The following NKIRAS1 variants were observed in gnomAD, a reference collection of about 807,000 sequenced individuals.
NKIRAS1 encodes the protein NFKB inhibitor interacting Ras like 1.
Under a neutral mutation model 19.8 loss-of-function variants are expected in NKIRAS1, and 16 were observed. The ratio of observed to expected loss-of-function variants is 0.81; its 90% CI spans 0.55 to 1.23. The LOEUF (loss-of-function observed/expected upper bound fraction) is 1.23, where lower values mean the gene tolerates loss of function less well. NKIRAS1 is among the 50% of genes most tolerant of loss of function. The probability of loss-of-function intolerance (pLI) is 0.00; values close to 1 mark genes in which losing one functional copy is unlikely to be tolerated. For synonymous variants in NKIRAS1, 88 were observed against 79.0 expected, an observed-to-expected ratio of 1.11 and a Z score of -0.61; for missense variants, 184 against 220.0, an observed-to-expected ratio of 0.84 and a Z score of 1.04.
In NKIRAS1 at chr3:23,922,750, C is replaced by T. The variant is rs1052537515; in HGVS notation, c.-139-11300G>A. On this transcript the variant is annotated intron_variant, in intron 1 of 4. Transcript: ENST00000421515. This position sits in a 1 kb window ranked among gnomAD's most constrained non-coding sequence, Gnocchi z 4.2. The stretch of plus-strand genomic sequence containing the variant: ...ATTCAAAAGATAAGTATAGGCTCTA[C>T]AGTACAAACCCTTCTGCCTCCTAGT... 1 of 152,192 alleles carries T rather than the reference C, an allele frequency of 6.6e-6. No individual in the cohort carries two copies. Among genetic ancestry groups the T allele is most frequent in the Non-Finnish European group, 1.5e-5 (1 of 68,034 alleles). The allele number at this position is 152,192 out of a possible 1,614,324, so 9.4% of individuals were successfully genotyped here. A position where few individuals can be genotyped will look rare whatever the true frequency, so the allele number is the denominator to read the frequency against.
intron 1 of NKIRAS1, among the ~76,000 whole-genome samples, chr3:23,912,785 C>T (rs1456393287): frequency 2.0e-5 from 3 of 152,064 alleles, no homozygotes; most frequent in Non-Finnish European, 4.4e-5. Flanking sequence ...AGACTTGGAA[C>T]CAACCCAAAT....
intron 1 of NKIRAS1, among the ~76,000 whole-genome samples, chr3:23,914,554 C>T (rs1480327771): frequency 2.6e-5 from 4 of 152,118 alleles, no homozygotes; most frequent in Non-Finnish European, 5.9e-5. Context: ...CAGTATTGCA[C>T]AAAATAAAAT....
intron 1 of NKIRAS1, among the ~76,000 whole-genome samples, chr3:23,944,206 G>C (rs750187576): frequency 1.6e-4 from 24 of 152,188 alleles, no homozygotes; most frequent in Non-Finnish European, 1.5e-4. Context: ...CTGGCTTCAG[G>C]AACTTGCAGA....
At chr3:23,900,670 G>GAA (rs1702443132) in intron 4 of NKIRAS1, 138 bp downstream of exon 4, 1 of 522,610 alleles carries the variant, frequency 1.9e-6, no homozygotes. Context: ...AAAAGAAAAA[G>GAA]AAAAGAAAAA....
In NKIRAS1 at chr3:23,893,035, T is replaced by G; in HGVS notation, c.*60A>C. On this transcript the variant is annotated 3_prime_UTR_variant, in exon 5 of 5. Coordinates refer to ENST00000425478, the MANE Select transcript of NKIRAS1 (RefSeq NM_020345.4). ...TATTTTAAATAGTAATATTACTCCA[T>G]GTTCACAGACACTTAAAGGCAATCA... 3 of 1,474,646 alleles carry G rather than the reference T, an allele frequency of 2.0e-6. No individual in the cohort carries two copies. In the South Asian group the frequency reaches 4.4e-5, roughly 22 times the overall value. 91.3% of individuals were successfully genotyped at this position (1,474,646 alleles called of 1,614,324 possible).
intron 1 of NKIRAS1, chr3:23,946,179 G>A (rs1010344413): frequency 1.4e-4 from 139 of 985,348 alleles, no homozygotes; most frequent in Non-Finnish European, 1.5e-4. Context: ...CGCCCGCTGA[G>A]CCCCCGCGGC....
At chr3:23,915,491 C>T (rs1401615442) in intron 1 of NKIRAS1, among the ~76,000 whole-genome samples, 2 of 152,212 alleles carry the variant, frequency 1.3e-5, no homozygotes, top group Admixed American at 1.3e-4. Context: ...CAATGGAAGA[C>T]TAACACAATT....
chr3:23,900,714 C>A (rs556791121), intron 4 of NKIRAS1, 94 bp downstream of exon 4: 5 of 862,700 alleles, frequency 5.8e-6, no homozygotes, highest in Non-Finnish European at 9.1e-6. Flanking sequence ...TAAGAATATA[C>A]TGTAATGATC....
chr3:23,896,148 A>C (rs1390832140), intron 4 of NKIRAS1, among the ~76,000 whole-genome samples: 1 of 151,274 alleles, frequency 6.6e-6, no homozygotes, highest in African/African-American at 2.4e-5. Context: ...AAAAAAAAAA[A>C]AAAAAAAACT....
At chr3:23,909,293 G>A (rs370111572) in intron 3 of NKIRAS1, among the ~76,000 whole-genome samples, 256 of 152,194 alleles carry the variant, frequency 1.7e-3, no homozygotes, top group African/African-American at 5.4e-3. Context: ...AGGCCGAGGC[G>A]GGGGGATCAC....
In NKIRAS1 at chr3:23,890,469, T is replaced by C; in HGVS notation, c.*2626A>G. On this transcript the variant is annotated 3_prime_UTR_variant, in exon 5 of 5. Transcript: ENST00000425478. ...CTATTCGCTAAAGTTTAAAATGTTC[T>C]TTTCCTTTCTCCAAAGTAATCTACA... The C allele has an allele frequency of 1.3e-6, 2 of 1,591,944 alleles. No individual in the cohort carries two copies. The highest frequency in any genetic ancestry group is 1.7e-6 in the Non-Finnish European group (2 of 1,168,696).
chr3:23,920,365 A>G, upstream of NKIRAS1: 1 of 985,484 alleles, frequency 1.0e-6, no homozygotes, highest in Non-Finnish European at 1.2e-6. Flanking sequence ...GCTACAGAAA[A>G]AGTCACAAGC....
intron 1 of NKIRAS1, among the ~76,000 whole-genome samples, chr3:23,944,907 C>T (rs1282033125): frequency 1.3e-5 from 2 of 151,986 alleles, no homozygotes; most frequent in East Asian, 3.9e-4. Context: ...TCCTGAGAAT[C>T]ACCCTTGCTC....
At position 23,909,701 on chromosome 3, in the gene NKIRAS1, C is replaced by T. The variant is rs575032874; in HGVS notation, c.94+1110G>A. ...CTCTGTAACCCAAGGCCTGATTACA[C>T]GTATCATATACCAATTAATAAATAA... On this transcript the variant is annotated intron_variant, in intron 3 of 4. Coordinates refer to ENST00000425478, the MANE Select transcript of NKIRAS1 (RefSeq NM_020345.4). Among the ~76,000 whole-genome samples, 7 of 152,244 alleles carry T rather than the reference C, an allele frequency of 4.6e-5. No individual in the cohort carries two copies. In the South Asian group the frequency reaches 1.0e-3, roughly 23 times the overall value.
intron 4 of NKIRAS1, among the ~76,000 whole-genome samples, chr3:23,893,880 T>A (rs1701703965): frequency 6.7e-6 from 1 of 149,644 alleles, no homozygotes; most frequent in Non-Finnish European, 1.5e-5. Flanking sequence ...CAGGTATGAA[T>A]GGAAGATGGA....
chr3:23,891,334 T>C lies in NKIRAS1; in HGVS notation c.*1761A>G, dbSNP rs1441752141. On this transcript the variant is annotated 3_prime_UTR_variant, in exon 5 of 5. Coordinates refer to ENST00000425478, the MANE Select transcript of NKIRAS1 (RefSeq NM_020345.4). ...AATAAACACTGCTGTGTTCATTTACTTTTCTTTTGCCTTTTGGTTGCCATT... is the reference window on the plus strand; with the variant it reads ...AATAAACACTGCTGTGTTCATTTACCTTTCTTTTGCCTTTTGGTTGCCATT... 1 of 152,228 alleles carries C rather than the reference T, an allele frequency of 6.6e-6. No homozygotes were observed. Among genetic ancestry groups the C allele is most frequent in the Non-Finnish European group, 1.5e-5 (1 of 68,040 alleles). The allele number at this position is 152,228 out of a possible 1,614,324, so 9.4% of individuals were successfully genotyped here. A position where few individuals can be genotyped will look rare whatever the true frequency, so the allele number is the denominator to read the frequency against.
intron 3 of NKIRAS1, among the ~76,000 whole-genome samples, chr3:23,901,405 G>A (rs185278838): frequency 1.3e-5 from 2 of 151,976 alleles, no homozygotes; most frequent in African/African-American, 4.8e-5. Flanking sequence ...GGCTGGTCTC[G>A]AACTCCTGGG....
chr3:23,921,183 G>C (rs143666828), upstream of NKIRAS1, among the ~76,000 whole-genome samples: 1 of 152,078 alleles, frequency 6.6e-6, no homozygotes, highest in Non-Finnish European at 1.5e-5. Context: ...GAAAGGGTTC[G>C]GGCCAAAGGT....
intron 4 of NKIRAS1, among the ~76,000 whole-genome samples, chr3:23,896,548 G>A (rs1474187945): frequency 6.6e-6 from 1 of 152,036 alleles, no homozygotes; most frequent in African/African-American, 2.4e-5. Context: ...GGGAGGCGGA[G>A]GTTGCTGTGG....
Sources: gnomAD v4.1 joint callset for allele counts (sites outside exome capture counted in the v4.1 genomes callset) on GRCh38, gnomAD v4.1.1 for gene constraint, Gnocchi (gnomAD v3.1) non-coding constraint, MANE v1.5 for transcripts, NCBI Gene and HGNC (gene_info 2026-07-23, HGNC 2026-07-21) for gene names.